Variants in ADAM9 observed in about 807,000 individuals in gnomAD.
The protein encoded by ADAM9 is disintegrin and metalloproteinase domain-containing protein 9.
ADAM9 carries 54 observed loss-of-function variants against 108.1 expected under a neutral mutation model. The observed-to-expected ratio is 0.50, with a 90% CI of 0.40 to 0.63. The LOEUF is 0.63. Ranked by LOEUF, ADAM9 falls within the 20% of genes least tolerant of loss-of-function variation. The pLI is 0.00. For synonymous variants in ADAM9, 316 were observed against 336.0 expected (o/e 0.94, Z 0.65); for missense variants, 830 against 997.7 (o/e 0.83, Z 2.26).
chr8:39,051,827 A>G (rs1177623071), intron 12 of ADAM9, among the ~76,000 whole-genome samples: 1 of 152,158 alleles, frequency 6.6e-6, no homozygotes, highest in Non-Finnish European at 1.5e-5. Context: ...AGGATTTACT[A>G]TGATTTATTT....
intron 14 of ADAM9, among the ~76,000 whole-genome samples, chr8:39,060,582 C>A (rs1450066629): frequency 3.3e-5 from 5 of 152,210 alleles, no homozygotes; most frequent in Non-Finnish European, 2.9e-5. Flanking sequence ...ATGTCCCACA[C>A]CACTGGACAT....
At chr8:39,012,437 C>T (rs969042090) in intron 3 of ADAM9, among the ~76,000 whole-genome samples, 3 of 152,158 alleles carry the variant, frequency 2.0e-5, no homozygotes, top group Non-Finnish European at 2.9e-5. Context: ...CCAGCCATCC[C>T]ATTACTGGGT....
intron 10 of ADAM9, 77 bp downstream of exon 10, chr8:39,025,961 C>T (rs1836906778): frequency 1.6e-5 from 23 of 1,399,892 alleles, no homozygotes; most frequent in South Asian, 2.3e-5. Flanking sequence ...TATACTTCCT[C>T]CCCTGGTCCT....
Position 39,021,710 on chromosome 8 carries a change from A to T in ADAM9, c.740A>T (p.Asp247Val), listed in dbSNP as rs1564253150. The T allele has an allele frequency of 6.2e-7, 1 of 1,612,200 alleles. No individual in the cohort carries two copies. ...ATGATTCTCCTGGCAAACTACTTGG[A>T]TAGTGTAAGTTGTATTTTCTATCAA... ...EEMILLANYL[D>V]SMYIMLNIRI... is the part of the protein sequence containing the mutation. Residue 247 changes from aspartate to valine, a missense_variant, in exon 8 of 22, where the codon GAT becomes GTT. By Grantham distance (152) the Asp-to-Val change is radical. This residue lies in a region of ADAM9 where 381 missense variants were observed against 539.8 expected (regional missense o/e 0.71). Transcript: ENST00000487273.
intron 12 of ADAM9, among the ~76,000 whole-genome samples, chr8:39,048,393 C>A (rs531378793): frequency 6.6e-6 from 1 of 151,942 alleles, no homozygotes; most frequent in Non-Finnish European, 1.5e-5. Context: ...TTATTGTTGT[C>A]TTTTTCTATT....
chr8:39,025,089 A>T (rs755034204), intron 9 of ADAM9, among the ~76,000 whole-genome samples: 1 of 150,222 alleles, frequency 6.7e-6, no homozygotes, highest in Non-Finnish European at 1.5e-5. Context: ...CCCATCCTGA[A>T]TTCTTTTTTT....
Position 39,104,624 on chromosome 8 carries a change from G to A in ADAM9, c.*924G>A, listed in dbSNP as rs11546451. ...GCACTTTAAAATCTGAACTTTCAAA[G>A]CTTGCTATTAAATCATTTAGAATGT... On this transcript the variant is annotated 3_prime_UTR_variant, in exon 22 of 22. Transcript: ENST00000487273. The A allele has an allele frequency of 9.2e-6, 4 of 434,054 alleles. No homozygotes were observed. The highest frequency in any genetic ancestry group is 2.6e-5 in the Admixed American group (1 of 38,400). The allele number at this position is 434,054 out of a possible 1,614,324, so 26.9% of individuals were successfully genotyped here.
In ADAM9 at chr8:39,055,712, T is replaced by C; in HGVS notation, c.1531T>C (p.Tyr511His). 1 of 1,613,764 alleles carries C rather than the reference T, an allele frequency of 6.2e-7. No homozygotes were observed. Among genetic ancestry groups the C allele is most frequent in the Non-Finnish European group, 8.5e-7 (1 of 1,179,768 alleles). The change falls in exon 14 of 22, where the codon TAT becomes CAT. Residue 511 changes from tyrosine to histidine, a missense_variant. By Grantham distance (83) the Tyr-to-His change is moderately conservative. This residue lies in a region of ADAM9 where 381 missense variants were observed against 539.8 expected (regional missense o/e 0.71). Transcript: ENST00000487273. ...ATATCCTTGCCAGAATAACAAAGCC[T>C]ATTGCTACAACGGCATGTGCCAGTA... ...NGYPCQNNKA[Y>H]CYNGMCQYYD...
chr8:39,081,614 A>T (rs538819521), intron 16 of ADAM9, among the ~76,000 whole-genome samples: 2 of 152,228 alleles, frequency 1.3e-5, no homozygotes, highest in African/African-American at 4.8e-5. Flanking sequence ...ATTTTAAATC[A>T]TATATGTCCT....
intron 12 of ADAM9, among the ~76,000 whole-genome samples, chr8:39,045,412 G>GTGTGTGTA (rs1564301601): frequency 0.032 from 1,278 of 40,134 alleles, 224 homozygotes; most frequent in African/African-American, 0.047. Context: ...CTATATGTGC[G>GTGTGTGTA]CGTGTGTACA....
intron 8 of ADAM9, 86 bp from the exon 9 acceptor site, chr8:39,023,070 T>C (rs1219707119): frequency 4.7e-5 from 58 of 1,223,724 alleles, no homozygotes; most frequent in Non-Finnish European, 6.2e-5. Context: ...AGTTTTAATT[T>C]AAGTAGCCGT....
intron 9 of ADAM9, among the ~76,000 whole-genome samples, chr8:39,025,105 T>C (rs1223271922): frequency 6.6e-6 from 1 of 151,978 alleles, no homozygotes; most frequent in African/African-American, 2.4e-5. Context: ...TTTTTTTTAT[T>C]TTGGAGACAG....
intron 20 of ADAM9, among the ~76,000 whole-genome samples, chr8:39,098,282 G>A (rs1354818411): frequency 1.3e-5 from 2 of 151,452 alleles, no homozygotes; most frequent in Admixed American, 1.3e-4. Flanking sequence ...AAACTCCTTT[G>A]CCAGTAAATA....
chr8:39,046,626 A>G (rs748068491), intron 12 of ADAM9, among the ~76,000 whole-genome samples: 6 of 151,990 alleles, frequency 3.9e-5, no homozygotes, highest in Non-Finnish European at 5.9e-5. Flanking sequence ...TGTTGAAGTT[A>G]TTTTCCTTTA....
rs1564298500 is a variant in ADAM9, at chr8:39,045,191, CATATATGTGT to C, written c.1302+3088_1302+3097del. 2.4e-5 allele frequency among the ~76,000 whole-genome samples: 2 copies of C among 82,306 alleles called. 1 individual carries two copies. The highest frequency in any genetic ancestry group is 5.5e-5 in the Non-Finnish European group (2 of 36,626). The allele number at this position is 82,306 out of a possible 152,430, so 54.0% of individuals were successfully genotyped here. On this transcript the variant is annotated intron_variant, in intron 12 of 21. Transcript: ENST00000487273. ...ATATGTGTATATATGTGTATACATA[CATATATGTGT>C]ATATATGTGTATACATACATATATG...
intron 2 of ADAM9, among the ~76,000 whole-genome samples, chr8:39,009,159 C>T (rs947877889): frequency 1.3e-5 from 2 of 152,156 alleles, no homozygotes; most frequent in African/African-American, 4.8e-5. Flanking sequence ...TTACATCTCT[C>T]CAACTGAGGA....
chr8:38,997,537 CGT>C (rs939759168), intron 1 of ADAM9, among the ~76,000 whole-genome samples: 8 of 152,216 alleles, frequency 5.3e-5, no homozygotes, highest in Non-Finnish European at 7.4e-5. Flanking sequence ...CGCCCGCGGG[CGT>C]TCAGTCCTCC....
At chr8:39,053,843 C>A (rs769656256) in intron 12 of ADAM9, among the ~76,000 whole-genome samples, 4 of 152,262 alleles carry the variant, frequency 2.6e-5, no homozygotes, top group African/African-American at 9.6e-5. Context: ...TGGACACTGA[C>A]CTCTCTGTGA....
intron 14 of ADAM9, among the ~76,000 whole-genome samples, chr8:39,070,632 C>T (rs1838652478): frequency 1.3e-5 from 2 of 151,626 alleles, no homozygotes; most frequent in Admixed American, 6.6e-5. Context: ...GTGGCGTGTA[C>T]CTGTAGTTCT....
Sources: gnomAD v4.1 joint callset for allele counts (sites outside exome capture counted in the v4.1 genomes callset) on GRCh38, gnomAD v4.1.1 for gene constraint, gnomAD v4.1.1 regional missense constraint, MANE v1.5 for transcripts, NCBI Gene and HGNC (gene_info 2026-07-23, HGNC 2026-07-21) for gene names.